DNAH3: variants seen among roughly 807,000 people sequenced by gnomAD.
The protein encoded by DNAH3 is axonemal beta dynein heavy chain 3.
In DNAH3, 332 loss-of-function variants were observed where a neutral mutation model predicts 432.5. The ratio of observed to expected loss-of-function variants is 0.77; its 90% CI spans 0.70 to 0.84. The LOEUF (loss-of-function observed/expected upper bound fraction) is 0.84. Ranked by LOEUF, DNAH3 falls within the 40% of genes least tolerant of loss-of-function variation. DNAH3 has a pLI of 0.00. For synonymous variants in DNAH3, 1,956 were observed against 1,900.2 expected (o/e 1.03, Z -0.76); for missense variants, 4,861 against 5,114.0 (o/e 0.95, Z 1.51).
At chr16:21,142,047 C>T (rs377599129) in intron 3 of DNAH3, among the ~76,000 whole-genome samples, 3 of 150,302 alleles carry the variant, frequency 2.0e-5, no homozygotes, top group East Asian at 3.9e-4. Context: ...AGTGAGACTC[C>T]GTCTCAAAAA....
At chr16:21,045,289 G>A (rs2152737683) in intron 31 of DNAH3, among the ~76,000 whole-genome samples, 2 of 151,928 alleles carry the variant, frequency 1.3e-5, no homozygotes, top group African/African-American at 4.8e-5. Flanking sequence ...ATTCGGCTGT[G>A]AATCCATCTG....
At chr16:20,942,854 A>T (rs1261461740) in intron 58 of DNAH3, among the ~76,000 whole-genome samples, 1 of 152,184 alleles carries the variant, frequency 6.6e-6, no homozygotes, top group Non-Finnish European at 1.5e-5. Flanking sequence ...CAGAAAAATC[A>T]TGTTGAGTCA....
chr16:21,058,561 C>T (rs1482488678), intron 26 of DNAH3, among the ~76,000 whole-genome samples: 1 of 152,042 alleles, frequency 6.6e-6, no homozygotes, highest in Non-Finnish European at 1.5e-5. Context: ...GTTTCTCCAC[C>T]CCACAATTCT....
In DNAH3 at chr16:20,933,400, C is replaced by T. The variant is rs756179783; in HGVS notation, c.12105G>A (p.Gly4035=). ...CATAGAGGATTTTGGGGAGAGATTC[C>T]CCAATCTGCATCGTTTTCCTGTCCC... The change falls in exon 62 of 62, where the codon GGG becomes GGA. Residue 4035 remains glycine, a synonymous_variant. Transcript: ENST00000261383. The T allele has an allele frequency of 1.9e-6, 3 of 1,614,146 alleles. No individual in the cohort carries two copies. In the South Asian group the frequency reaches 3.3e-5, roughly 18 times the overall value.
chr16:21,045,135 C>CT (rs2089635092), intron 31 of DNAH3, among the ~76,000 whole-genome samples: 1 of 151,252 alleles, frequency 6.6e-6, no homozygotes, highest in Non-Finnish European at 1.5e-5. Flanking sequence ...CTAAAATTCT[C>CT]TTTTTTTGTT....
At chr16:20,977,312 G>A (rs1384864265) in intron 50 of DNAH3, among the ~76,000 whole-genome samples, 1 of 152,160 alleles carries the variant, frequency 6.6e-6, no homozygotes, top group Non-Finnish European at 1.5e-5. Flanking sequence ...GGGAGGTGGA[G>A]GTTGCAGTGA....
intron 9 of DNAH3, among the ~76,000 whole-genome samples, chr16:21,123,645 A>G (rs942448599): frequency 3.9e-5 from 6 of 152,188 alleles, no homozygotes; most frequent in African/African-American, 1.4e-4. Context: ...ACCTTTTATA[A>G]CCAGGTAATT....
intron 36 of DNAH3, among the ~76,000 whole-genome samples, chr16:21,033,263 A>G (rs1400453234): frequency 6.6e-6 from 1 of 152,240 alleles, no homozygotes; most frequent in Non-Finnish European, 1.5e-5. Context: ...ACTTGAAGCA[A>G]TGCATGCACG....
chr16:21,111,505 C>T, intron 14 of DNAH3, 121 bp downstream of exon 14: 1 of 980,110 alleles, frequency 1.0e-6, no homozygotes, highest in South Asian at 1.7e-5. Flanking sequence ...TACTTAGGGG[C>T]AGAAAAAACT....
At chr16:21,001,209 A>C (rs1188864756) in intron 42 of DNAH3, among the ~76,000 whole-genome samples, 2 of 152,208 alleles carry the variant, frequency 1.3e-5, no homozygotes, top group African/African-American at 4.8e-5. Context: ...TTGGACTCTT[A>C]AGGCCGGGTC....
chr16:21,083,660 G>A (rs767820912), intron 19 of DNAH3, among the ~76,000 whole-genome samples: 12 of 152,160 alleles, frequency 7.9e-5, no homozygotes, highest in Non-Finnish European at 1.5e-4. Context: ...TGCTTCAGAA[G>A]ATCCAGCTTC....
chr16:21,010,551 G>T (rs1249017393), intron 41 of DNAH3, among the ~76,000 whole-genome samples: 8 of 152,174 alleles, frequency 5.3e-5, no homozygotes, highest in African/African-American at 1.2e-4. Context: ...GGGTCTGCTT[G>T]CTTTCCTTAG....
intron 18 of DNAH3, among the ~76,000 whole-genome samples, chr16:21,089,955 G>C (rs140907689): frequency 2.0e-5 from 3 of 151,864 alleles, no homozygotes; most frequent in African/African-American, 4.8e-5. Flanking sequence ...AAAGAAAGAA[G>C]ATGCAAATTA....
chr16:21,009,609 T>C (rs2087480912), intron 41 of DNAH3, among the ~76,000 whole-genome samples: 1 of 152,216 alleles, frequency 6.6e-6, no homozygotes, highest in Non-Finnish European at 1.5e-5. Flanking sequence ...CTGGGTGTGG[T>C]GGCTTATGCC....
chr16:21,031,794 A>G (rs937767451), intron 36 of DNAH3, among the ~76,000 whole-genome samples: 24 of 152,156 alleles, frequency 1.6e-4, no homozygotes, highest in Admixed American at 9.8e-4. Context: ...TTGGGAGGCC[A>G]AGGCAGGTGG....
exon 46 of DNAH3, chr16:20,987,744 G>A (rs2086271908): frequency 1.2e-6 from 2 of 1,614,138 alleles, no homozygotes; most frequent in South Asian, 1.1e-5. Context: ...CTCGTGAGAA[G>A]TCCCGCAGGT....
intron 61 of DNAH3, among the ~76,000 whole-genome samples, chr16:20,935,000 T>C (rs1223925789): frequency 6.6e-6 from 1 of 152,182 alleles, no homozygotes; most frequent in African/African-American, 2.4e-5. Flanking sequence ...GCCATGCTTT[T>C]AACTTTACTC....
At chr16:21,049,316 A>G (rs1261265225) in intron 31 of DNAH3, among the ~76,000 whole-genome samples, 1 of 152,190 alleles carries the variant, frequency 6.6e-6, no homozygotes, top group Non-Finnish European at 1.5e-5. Context: ...AGAATCTCTG[A>G]TGTATAGTAG....
At position 21,112,503 on chromosome 16, in the gene DNAH3, A is replaced by G. The variant is rs2092099203; in HGVS notation, c.1815-405T>C. On this transcript the variant is annotated intron_variant, in intron 12 of 61. Transcript: ENST00000261383. ...ATGGCAGTGGCAAGAGAAAATGAGG[A>G]AGAAGCAAAAGTGGAAACCCCTGAT... 2.0e-5 allele frequency among the ~76,000 whole-genome samples: 3 copies of G among 152,190 alleles called. No homozygotes were observed. The South Asian group carries it at 6.2e-4, about 32-fold the overall frequency.
Sources: allele counts gnomAD v4.1 joint callset (sites outside exome capture counted in the v4.1 genomes callset), GRCh38; gene constraint gnomAD v4.1.1; transcripts MANE v1.5; gene names NCBI Gene and HGNC (gene_info 2026-07-23, HGNC 2026-07-21).